RPN2: variants seen among roughly 807,000 people sequenced by gnomAD.
The protein encoded by RPN2 is ribophorin II, also known as dolichyl-diphosphooligosaccharide--protein glycosyltransferase subunit 2.
RPN2 carries 29 observed loss-of-function variants against 71.4 expected under a neutral mutation model. That is an observed-to-expected ratio of 0.41 (90% CI 0.30 to 0.55). The LOEUF (loss-of-function observed/expected upper bound fraction) is 0.55, where lower values mean the gene tolerates loss of function less well. Ranked by LOEUF, RPN2 falls within the 20% of genes least tolerant of loss-of-function variation. RPN2 has a pLI of 0.35. For synonymous variants in RPN2, 308 were observed against 305.0 expected (o/e 1.01, Z -0.10); for missense variants, 726 against 774.1 (o/e 0.94, Z 0.74).
At position 37,232,300 on chromosome 20, in the gene RPN2, T is replaced by G. The variant is rs1267459722; in HGVS notation, c.1586T>G (p.Leu529Arg). The G allele has an allele frequency of 1.2e-6, 2 of 1,614,220 alleles. No homozygotes were observed. The highest frequency in any genetic ancestry group is 3.3e-5 in the Admixed American group (2 of 60,028). Reference sequence around the variant, plus strand: ...TCTTGGTGTGTCTTTCGGCAGCACCTGTTCCGCGAGCCTGAGAAGAGGCCC... The same window carrying G: ...TCTTGGTGTGTCTTTCGGCAGCACCGGTTCCGCGAGCCTGAGAAGAGGCCC... The part of the protein sequence containing the change: ...LFTPKQEIQH[L>R]FREPEKRPPT... The change falls in exon 14 of 17, where the codon CTG becomes CGG. Residue 529 changes from leucine to arginine, a missense_variant. Coordinates refer to ENST00000237530, the MANE Select transcript of RPN2 (RefSeq NM_002951.5).
intron 2 of RPN2, among the ~76,000 whole-genome samples, chr20:37,185,267 C>T (rs774341778): frequency 3.3e-5 from 5 of 151,096 alleles, no homozygotes; most frequent in Non-Finnish European, 5.9e-5. Flanking sequence ...TCCCTAGTAG[C>T]TGGGACTACA....
intron 1 of RPN2, chr20:37,179,639 C>A (rs1277849549): frequency 1.4e-6 from 1 of 730,304 alleles, no homozygotes; most frequent in African/African-American, 1.9e-5. Flanking sequence ...ACCGCGGACG[C>A]GCTTAGCCTA....
chr20:37,207,264 T>G lies in RPN2; in HGVS notation c.691-9T>G. On this transcript the variant is annotated splice_polypyrimidine_tract_variant and intron_variant, in intron 6 of 16. Coordinates refer to ENST00000237530, the MANE Select transcript of RPN2 (RefSeq NM_002951.5). ...GAAGAGAAACAGCTGCATTTCGCAT[T>G]TCTTTCAGGATCAGGTCATCCAGCT... 3.1e-6 allele frequency: 5 copies of G among 1,612,514 alleles called. No homozygotes were observed. The highest frequency in any genetic ancestry group is 4.2e-6 in the Non-Finnish European group (5 of 1,178,476).
intron 2 of RPN2, among the ~76,000 whole-genome samples, chr20:37,197,740 A>T (rs1053241619): frequency 1.3e-5 from 2 of 152,052 alleles, no homozygotes; most frequent in African/African-American, 4.8e-5. Context: ...CTGGGACCAC[A>T]GGCATGCGCC....
At chr20:37,224,323 GA>G (rs1243682828) in intron 10 of RPN2, among the ~76,000 whole-genome samples, 2 of 152,180 alleles carry the variant, frequency 1.3e-5, no homozygotes, top group Non-Finnish European at 2.9e-5. Flanking sequence ...CCTTCTCAAT[GA>G]AGGAAGCAAG....
chr20:37,201,625 C>T (rs2067393587), intron 4 of RPN2, among the ~76,000 whole-genome samples: 1 of 152,194 alleles, frequency 6.6e-6, no homozygotes, highest in Admixed American at 6.5e-5. Context: ...TCTACTCAAC[C>T]TCTGTGACCA....
intron 1 of RPN2, 41 bp downstream of exon 1, chr20:37,179,410 C>T (rs1343019571): frequency 4.7e-6 from 7 of 1,487,506 alleles, no homozygotes; most frequent in African/African-American, 2.8e-5. Context: ...GGCTGTCGCC[C>T]GCGGGAGGTT....
chr20:37,185,399 A>T (rs1248193633), intron 2 of RPN2, among the ~76,000 whole-genome samples: 2 of 150,374 alleles, frequency 1.3e-5, no homozygotes, highest in Non-Finnish European at 3.0e-5. Flanking sequence ...AGCCTCCCAA[A>T]GTGTTGAGAT....
chr20:37,189,323 ATGTG>A (rs11474653), intron 2 of RPN2, among the ~76,000 whole-genome samples: 4,439 of 64,530 alleles, frequency 0.069, 66 homozygotes, highest in Middle Eastern at 0.15. Context: ...GTGTGTGTGT[ATGTG>A]TGTGTGTGTG....
chr20:37,185,023 G>T (rs138742027), intron 2 of RPN2, among the ~76,000 whole-genome samples: 1 of 152,258 alleles, frequency 6.6e-6, no homozygotes, highest in African/African-American at 2.4e-5. Flanking sequence ...ATTCAAGGTG[G>T]AAGGCACTCA....
At position 37,210,083 on chromosome 20, in the gene RPN2, C is replaced by A; in HGVS notation, c.904C>A (p.Gln302Lys). 1 of 1,614,182 alleles carries A rather than the reference C, an allele frequency of 6.2e-7. No homozygotes were observed. Among genetic ancestry groups the A allele is most frequent in the Admixed American group, 1.7e-5 (1 of 60,030 alleles). The change falls in exon 8 of 17, where the codon CAG becomes AAG. Residue 302 changes from glutamine to lysine, a missense_variant. By Grantham distance (53) the Gln-to-Lys change is moderately conservative. Coordinates refer to ENST00000237530, the MANE Select transcript of RPN2 (RefSeq NM_002951.5). ...CAATGTTCTGTCTCAGCCTCTGACT[C>A]AGGCCACTGTTAAACTAGAACATGC... ...VTNVLSQPLT[Q>K]ATVKLEHAKS...
chr20:37,204,993 C>T (rs1254149387), intron 6 of RPN2, 92 bp downstream of exon 6: 3 of 1,574,906 alleles, frequency 1.9e-6, no homozygotes, highest in Non-Finnish European at 2.6e-6. Context: ...AATGTTCAGA[C>T]AGTACCTTGG....
intron 15 of RPN2, among the ~76,000 whole-genome samples, chr20:37,234,664 G>A (rs2068335570): frequency 6.7e-6 from 1 of 149,056 alleles, no homozygotes. Context: ...ATTTCACTGT[G>A]ACTTTAATTT....
chr20:37,207,434 A>G lies in RPN2; in HGVS notation c.852A>G (p.Glu284=), dbSNP rs765771871. 2 of 1,614,190 alleles carry G rather than the reference A, an allele frequency of 1.2e-6. No homozygotes were observed. The highest frequency in any genetic ancestry group is 1.7e-6 in the Non-Finnish European group (2 of 1,180,012). The change falls in exon 7 of 17, where the codon GAA becomes GAG. Residue 284 remains glutamate, a synonymous_variant. Transcript: ENST00000237530. ...AGGGCTCTGCTTCCGACACTCATGA[A>G]CAGGCTATCTTGCGGGTAAGACATC... is the stretch of plus-strand genomic sequence containing the variant. ...VPEGSASDTH[E]QAILRLQVTN...
chr20:37,235,832 TAG>T (rs1569001697), intron 15 of RPN2, among the ~76,000 whole-genome samples: 3 of 151,680 alleles, frequency 2.0e-5, no homozygotes, highest in Non-Finnish European at 4.4e-5. Context: ...ATATTTTTAG[TAG>T]AGAGAGGGTT....
Position 37,228,697 on chromosome 20 carries a change from T to G in RPN2, c.1447T>G (p.Leu483Val). The G allele has an allele frequency of 6.2e-7, 1 of 1,614,248 alleles. No individual in the cohort carries two copies. The highest frequency in any genetic ancestry group is 1.1e-5 in the South Asian group (1 of 91,090). The change falls in exon 12 of 17, where the codon TTA (leucine) becomes GTA (valine). Residue 483 changes from leucine (L) to valine (V), a missense_variant. Coordinates refer to ENST00000237530, the MANE Select transcript of RPN2 (RefSeq NM_002951.5). ...TGCCTCTGGCACCTACACTCTCTAC[T>G]TAATCATTGGAGATGCCACTTTGAA... Reference protein sequence around the residue: ...DSASGTYTLYLIIGDATLKNP... With the variant: ...DSASGTYTLYVIIGDATLKNP...
At chr20:37,213,974 T>A (rs2067744550) in intron 9 of RPN2, 109 bp downstream of exon 9, 1 of 835,162 alleles carries the variant, frequency 1.2e-6, no homozygotes, top group Non-Finnish European at 2.0e-6. Context: ...ACAACCAAGC[T>A]AATGTGTTTA....
At chr20:37,235,581 C>CGG (rs899658918) in intron 15 of RPN2, among the ~76,000 whole-genome samples, 125 of 152,270 alleles carry the variant, frequency 8.2e-4, no homozygotes, top group African/African-American at 2.8e-3. Flanking sequence ...GCAAATTATC[C>CGG]TTACAGTTTG....
chr20:37,213,782 A>C lies in RPN2; in HGVS notation c.1009A>C (p.Met337Leu), dbSNP rs1012229446. 39 of 1,613,902 alleles carry C rather than the reference A, an allele frequency of 2.4e-5. No homozygotes were observed. The highest frequency in any genetic ancestry group is 2.8e-5 in the Non-Finnish European group (33 of 1,179,896). The change falls in exon 9 of 17, where the codon ATG becomes CTG. Residue 337 changes from methionine to leucine, a missense_variant. Met to Leu is a conservative substitution (Grantham distance 15). Coordinates refer to ENST00000237530, the MANE Select transcript of RPN2 (RefSeq NM_002951.5). ...PVGDVFELNF[M>L]NVKFSSGYYD... ...CAGGGATGTTTTTGAACTAAATTTC[A>C]TGAACGTCAAATTTTCCAGTGGTTA...
Sources: gnomAD v4.1 joint callset for allele counts (sites outside exome capture counted in the v4.1 genomes callset) on GRCh38, gnomAD v4.1.1 for gene constraint, MANE v1.5 for transcripts, NCBI Gene and HGNC (gene_info 2026-07-23, HGNC 2026-07-21) for gene names.